Variants in ARHGAP26 observed in about 807,000 individuals in gnomAD.
ARHGAP26 encodes the protein Rho GTPase activating protein 26.
ARHGAP26 carries 38 observed loss-of-function variants against 104.8 expected under a neutral mutation model. The ratio of observed to expected loss-of-function variants is 0.36; its 90% CI spans 0.28 to 0.48. The LOEUF is 0.48. Among genes scored for constraint, ARHGAP26 ranks in the 20% least tolerant of loss-of-function variants. ARHGAP26 has a pLI of 0.99. For synonymous variants in ARHGAP26, 341 were observed against 340.0 expected (o/e 1.00, Z -0.03); for missense variants, 704 against 947.9 (o/e 0.74, Z 3.38).
At chr5:142,787,714 A>G (rs545217073) in intron 1 of ARHGAP26, among the ~76,000 whole-genome samples, 1 of 152,372 alleles carries the variant, frequency 6.6e-6, no homozygotes, top group South Asian at 2.1e-4. Context: ...ACATGATTAT[A>G]TAGACAATAC....
At chr5:142,882,099 TA>T (rs1396252598) in intron 4 of ARHGAP26, among the ~76,000 whole-genome samples, 1 of 152,220 alleles carries the variant, frequency 6.6e-6, no homozygotes, top group East Asian at 1.9e-4. Context: ...GACTCTAGAA[TA>T]AGTATAACAG....
chr5:142,861,580 T>G (rs543960057), intron 1 of ARHGAP26, among the ~76,000 whole-genome samples: 1 of 152,180 alleles, frequency 6.6e-6, no homozygotes, highest in South Asian at 2.1e-4. Context: ...GGAGTCAAAG[T>G]GGTAGGGGCC....
intron 1 of ARHGAP26, among the ~76,000 whole-genome samples, chr5:142,843,602 G>A (rs1439738980): frequency 6.6e-6 from 1 of 152,108 alleles, no homozygotes; most frequent in Admixed American, 6.5e-5. Context: ...AGGAAGCTGA[G>A]GGTTTTATGG....
chr5:142,894,473 T>G, intron 6 of ARHGAP26, 125 bp downstream of exon 6: 1 of 842,142 alleles, frequency 1.2e-6, no homozygotes, highest in Non-Finnish European at 1.9e-6. Context: ...CTGTCCCTTC[T>G]GTAAGTATCA....
intron 18 of ARHGAP26, among the ~76,000 whole-genome samples, chr5:143,127,436 A>G (rs1330308346): frequency 6.6e-6 from 1 of 152,300 alleles, no homozygotes; most frequent in South Asian, 2.1e-4. Flanking sequence ...TCCCTAGTCC[A>G]TCAGTTAGCT....
At chr5:142,814,050 T>C (rs1235906854) in intron 1 of ARHGAP26, among the ~76,000 whole-genome samples, 1 of 152,202 alleles carries the variant, frequency 6.6e-6, no homozygotes, top group Non-Finnish European at 1.5e-5. Flanking sequence ...CTCAGGAGGG[T>C]TGGCCAGGCC....
intron 17 of ARHGAP26, among the ~76,000 whole-genome samples, chr5:143,078,439 C>T (rs6897991): frequency 0.021 from 3,140 of 152,088 alleles, 87 homozygotes; most frequent in African/African-American, 0.07. Context: ...TGAGTGTGTC[C>T]GTTTTATTCC....
At chr5:143,007,382 G>C (rs1156617464) in intron 11 of ARHGAP26, among the ~76,000 whole-genome samples, 1 of 151,980 alleles carries the variant, frequency 6.6e-6, no homozygotes, top group Non-Finnish European at 1.5e-5. Context: ...AGCTGGTTGT[G>C]GTTTTTAATT....
At chr5:142,967,204 T>C (rs540926669) in intron 11 of ARHGAP26, among the ~76,000 whole-genome samples, 99 of 152,266 alleles carry the variant, frequency 6.5e-4, no homozygotes, top group African/African-American at 2.4e-3. Context: ...AACAGAACGA[T>C]AAAAATTGAC....
chr5:142,885,633 G>A (rs577398211), intron 5 of ARHGAP26, among the ~76,000 whole-genome samples: 5 of 152,126 alleles, frequency 3.3e-5, no homozygotes, highest in Non-Finnish European at 5.9e-5. Context: ...ACTGCTGGCC[G>A]AGATGACCAC....
Position 142,770,636 on chromosome 5 carries a change from C to A in ARHGAP26, c.-126C>A. On this transcript the variant is annotated 5_prime_UTR_variant, in exon 1 of 23. Transcript: ENST00000645722. ...GGACACCGCGCGCGGAGTGAGCCAG[C>A]GCCACACCTGTGGAGCCGGCGGCCG... 1.5e-6 allele frequency: 1 copy of A among 669,724 alleles called. No homozygotes were observed. The highest frequency in any genetic ancestry group is 1.9e-6 in the Non-Finnish European group (1 of 530,554). The allele number at this position is 669,724 out of a possible 1,614,324, so 41.5% of individuals were successfully genotyped here.
At chr5:143,034,143 C>A (rs866233778) in intron 12 of ARHGAP26, among the ~76,000 whole-genome samples, 6 of 152,078 alleles carry the variant, frequency 3.9e-5, no homozygotes, top group Non-Finnish European at 5.9e-5. Context: ...TCGTACATTG[C>A]GGGTAGGAAT....
At chr5:143,083,841 A>G (rs1385833490) in intron 17 of ARHGAP26, among the ~76,000 whole-genome samples, 1 of 152,156 alleles carries the variant, frequency 6.6e-6, no homozygotes, top group African/African-American at 2.4e-5. Flanking sequence ...TCTTTCTCCC[A>G]TCTTATATCT....
chr5:143,056,015 C>G lies in ARHGAP26; in HGVS notation c.1374-13C>G. ...TATTATTAAGCTGACTAGCCTATCT[C>G]CTTTTCCTCCAGAATGCTTCCAGGA... is the stretch of plus-strand genomic sequence containing the variant. On this transcript the variant is annotated splice_polypyrimidine_tract_variant and intron_variant, in intron 15 of 22. Coordinates refer to ENST00000645722, the MANE Select transcript of ARHGAP26 (RefSeq NM_001135608.3). 1 of 1,607,742 alleles carries G rather than the reference C, an allele frequency of 6.2e-7. No individual in the cohort carries two copies. Among genetic ancestry groups the G allele is most frequent in the Non-Finnish European group, 8.5e-7 (1 of 1,175,240 alleles).
chr5:143,027,491 T>A (rs141646560), intron 12 of ARHGAP26, among the ~76,000 whole-genome samples: 2 of 152,200 alleles, frequency 1.3e-5, no homozygotes, highest in Admixed American at 1.3e-4. Flanking sequence ...GCTGACTTTT[T>A]AAATATATAC....
chr5:143,091,469 C>T (rs2150528975), intron 17 of ARHGAP26, among the ~76,000 whole-genome samples: 1 of 152,216 alleles, frequency 6.6e-6, no homozygotes, highest in South Asian at 2.1e-4. Flanking sequence ...CTTTATAGTC[C>T]TTGGTACCTT....
intron 17 of ARHGAP26, among the ~76,000 whole-genome samples, chr5:143,091,629 A>G (rs1008344367): frequency 9.2e-5 from 14 of 152,246 alleles, no homozygotes; most frequent in Admixed American, 8.5e-4. Context: ...TATTAATGTT[A>G]AACTCAATTT....
chr5:142,935,060 A>C (rs922105152), intron 11 of ARHGAP26, among the ~76,000 whole-genome samples: 7 of 152,134 alleles, frequency 4.6e-5, no homozygotes, highest in Admixed American at 2.6e-4. Flanking sequence ...AGCATTATGG[A>C]TTTTATCTAC....
chr5:143,077,826 C>A (rs572983710), intron 17 of ARHGAP26, among the ~76,000 whole-genome samples: 1 of 152,174 alleles, frequency 6.6e-6, no homozygotes, highest in Admixed American at 6.5e-5. Context: ...CTAGAGGGTT[C>A]GAAGGCCAAG....
Sources: gnomAD v4.1 joint callset for allele counts (sites outside exome capture counted in the v4.1 genomes callset) on GRCh38, gnomAD v4.1.1 for gene constraint, MANE v1.5 for transcripts, NCBI Gene and HGNC (gene_info 2026-07-23, HGNC 2026-07-21) for gene names.